EYA2: variants seen among roughly 807,000 people sequenced by gnomAD.
The protein encoded by EYA2 is protein phosphatase EYA2.
Under a neutral mutation model 69.2 loss-of-function variants are expected in EYA2, and 31 were observed. The ratio of observed to expected loss-of-function variants is 0.45; its 90% CI spans 0.34 to 0.60. The LOEUF (loss-of-function observed/expected upper bound fraction) is 0.60, where lower values mean the gene tolerates loss of function less well. EYA2 is among the 20% of genes least tolerant of loss of function. The pLI is 0.02. For missense variants in EYA2, 622 were observed against 701.2 expected, an observed-to-expected ratio of 0.89 and a Z score of 1.28; for synonymous variants, 257 against 279.4, an observed-to-expected ratio of 0.92 and a Z score of 0.80.
In EYA2 at chr20:47,005,046, A is replaced by G. The variant is rs931469311; in HGVS notation, c.260A>G (p.Tyr87Cys). 1.2e-6 allele frequency: 2 copies of G among 1,613,698 alleles called. No individual in the cohort carries two copies. The highest frequency in any genetic ancestry group is 2.2e-5 in the South Asian group (2 of 91,070). Residue 87 changes from tyrosine (Y) to cysteine (C), a missense_variant, in exon 4 of 16, where the codon TAC (tyrosine) becomes TGC (cysteine). Transcript: ENST00000327619. ...GIQQATPYTAYPPPAQAYGIP... is the reference protein window; with the variant it reads ...GIQQATPYTACPPPAQAYGIP... Reference sequence around the variant, plus strand: ...CAGCAGGCTACCCCCTATACAGCTTACCCACCTCCAGCACAAGCCTATGGA... The same window carrying G: ...CAGCAGGCTACCCCCTATACAGCTTGCCCACCTCCAGCACAAGCCTATGGA...
chr20:47,139,703 A>G (rs1196559820), intron 9 of EYA2, among the ~76,000 whole-genome samples: 2 of 152,206 alleles, frequency 1.3e-5, no homozygotes, highest in Non-Finnish European at 2.9e-5. Flanking sequence ...GCACTGGATT[A>G]CAGGTGTGAG....
chr20:47,134,400 A>G (rs1379206551), intron 9 of EYA2, among the ~76,000 whole-genome samples: 2 of 152,266 alleles, frequency 1.3e-5, no homozygotes, highest in Non-Finnish European at 2.9e-5. Flanking sequence ...CTACACAGTA[A>G]TAATAGTAAC....
chr20:47,116,996 T>TTC (rs1268770351), intron 9 of EYA2, among the ~76,000 whole-genome samples: 1 of 132,120 alleles, frequency 7.6e-6, no homozygotes, highest in African/African-American at 3.2e-5. Context: ...GCATCTGCAT[T>TTC]TTTTTTTTTT....
intron 5 of EYA2, among the ~76,000 whole-genome samples, chr20:47,042,649 A>G (rs1985144796): frequency 6.6e-6 from 1 of 152,226 alleles, no homozygotes; most frequent in South Asian, 2.1e-4. Flanking sequence ...ATTATCAGTT[A>G]GAGTTCATTC....
chr20:46,986,974 A>G (rs571955362), intron 1 of EYA2, among the ~76,000 whole-genome samples: 1 of 152,198 alleles, frequency 6.6e-6, no homozygotes, highest in Non-Finnish European at 1.5e-5. Flanking sequence ...CCATGTACAG[A>G]AAGTACTTCC....
At chr20:47,111,875 A>G (rs1376535212) in intron 9 of EYA2, among the ~76,000 whole-genome samples, 1 of 151,990 alleles carries the variant, frequency 6.6e-6, no homozygotes, top group Non-Finnish European at 1.5e-5. Flanking sequence ...CCCAATAAAA[A>G]CCATTCACTT....
At chr20:47,031,606 C>A (rs1984420259) in intron 5 of EYA2, among the ~76,000 whole-genome samples, 2 of 152,214 alleles carry the variant, frequency 1.3e-5, no homozygotes, top group Non-Finnish European at 2.9e-5. Flanking sequence ...ATTATTACAA[C>A]TTATCCTTTT....
At chr20:47,168,435 CCCG>C (rs2034251349) in intron 10 of EYA2, among the ~76,000 whole-genome samples, 3 of 152,138 alleles carry the variant, frequency 2.0e-5, no homozygotes, top group African/African-American at 7.2e-5. Context: ...AAACAATCCA[CCCG>C]CCTGTCTCCC....
At chr20:47,007,078 C>T (rs769180170) in intron 4 of EYA2, among the ~76,000 whole-genome samples, 5 of 152,190 alleles carry the variant, frequency 3.3e-5, no homozygotes, top group Non-Finnish European at 4.4e-5. Flanking sequence ...TACAGGCATA[C>T]GCTACTGCGC....
chr20:46,958,561 A>G (rs1442686535), intron 1 of EYA2, among the ~76,000 whole-genome samples: 2 of 152,234 alleles, frequency 1.3e-5, no homozygotes, highest in East Asian at 3.9e-4. Context: ...ATTTTTTTAA[A>G]CTGTTAAGTT....
At chr20:46,963,551 A>G (rs557203282) in intron 1 of EYA2, among the ~76,000 whole-genome samples, 14 of 152,372 alleles carry the variant, frequency 9.2e-5, no homozygotes, top group Admixed American at 6.5e-4. Flanking sequence ...AAACAGGGTC[A>G]TGTGCAAGAC....
Position 47,074,352 on chromosome 20 carries a change from G to C in EYA2, c.661+17G>C, listed in dbSNP as rs1238130143. ...CACTTGCTGGTAGGTGCAGTCACTG[G>C]TGGGGCCATTCATGGCTGTGGTCTG... On this transcript the variant is annotated intron_variant, in intron 7 of 15. Coordinates refer to ENST00000327619, the MANE Select transcript of EYA2 (RefSeq NM_005244.5). 1 of 1,612,604 alleles carries C rather than the reference G, an allele frequency of 6.2e-7. No individual in the cohort carries two copies. The highest frequency in any genetic ancestry group is 8.5e-7 in the Non-Finnish European group (1 of 1,178,932).
chr20:47,084,105 G>A (rs1017747096), intron 7 of EYA2, among the ~76,000 whole-genome samples: 5 of 152,174 alleles, frequency 3.3e-5, no homozygotes, highest in African/African-American at 1.2e-4. Context: ...AATTAGCTGG[G>A]TGTGGTGGCA....
intron 5 of EYA2, among the ~76,000 whole-genome samples, chr20:47,025,765 C>A (rs943414448): frequency 1.3e-5 from 2 of 152,220 alleles, no homozygotes; most frequent in African/African-American, 4.8e-5. Flanking sequence ...AGGGATTCTA[C>A]CCATTTACAC....
intron 1 of EYA2, among the ~76,000 whole-genome samples, chr20:46,981,454 A>T (rs1326043957): frequency 6.6e-6 from 1 of 152,188 alleles, no homozygotes; most frequent in Non-Finnish European, 1.5e-5. Flanking sequence ...CTTTGTGAAG[A>T]TTAATATTTC....
At chr20:46,970,510 G>A (rs1980071861) in intron 1 of EYA2, among the ~76,000 whole-genome samples, 1 of 152,138 alleles carries the variant, frequency 6.6e-6, no homozygotes, top group South Asian at 2.1e-4. Context: ...GAATCACCCA[G>A]CCCAAAAACC....
intron 1 of EYA2, among the ~76,000 whole-genome samples, chr20:46,902,435 T>G (rs77767080): frequency 0.044 from 6,632 of 152,296 alleles, 512 homozygotes; most frequent in African/African-American, 0.15. Context: ...CTGTTATTAT[T>G]ATTTCTATTT....
chr20:47,185,276 C>CTTTTTTTTT lies in EYA2; in HGVS notation c.1536+1919_1536+1927dup, dbSNP rs765083065. On this transcript the variant is annotated intron_variant, in intron 15 of 15. Coordinates refer to ENST00000327619, the MANE Select transcript of EYA2 (RefSeq NM_005244.5). Reference sequence around the variant, plus strand: ...CTCTCCCAGAAAAATGAATCACACTCTTTTTTTTTTTTTTTTTTTTTTTTT... The same window carrying CTTTTTTTTT: ...CTCTCCCAGAAAAATGAATCACACTCTTTTTTTTTTTTTTTTTTTTTTTTTTTTTTTTTT... Among the ~76,000 whole-genome samples the CTTTTTTTTT allele has an allele frequency of 7.0e-4, 39 of 55,928 alleles. 7 individuals are homozygous for CTTTTTTTTT. The highest frequency in any genetic ancestry group is 1.3e-3 in the East Asian group (2 of 1,514). 36.7% of individuals were successfully genotyped at this position (55,928 alleles called of 152,430 possible). A position where few individuals can be genotyped will look rare whatever the true frequency, so the allele number is the denominator to read the frequency against.
At chr20:47,182,522 G>T (rs2034556898) in intron 14 of EYA2, among the ~76,000 whole-genome samples, 1 of 150,724 alleles carries the variant, frequency 6.6e-6, no homozygotes, top group Non-Finnish European at 1.5e-5. Flanking sequence ...CCAGGTACTT[G>T]GAAGGCTGAG....
Sources: gnomAD v4.1 joint callset for allele counts (sites outside exome capture counted in the v4.1 genomes callset) on GRCh38, gnomAD v4.1.1 for gene constraint, MANE v1.5 for transcripts, NCBI Gene and HGNC (gene_info 2026-07-23, HGNC 2026-07-21) for gene names.